The following RCOR1 variants were observed in gnomAD, a reference collection of about 807,000 sequenced individuals.
RCOR1 encodes the protein REST corepressor.
RCOR1 carries 12 observed loss-of-function variants against 64.0 expected under a neutral mutation model. The ratio of observed to expected loss-of-function variants is 0.19; its 90% confidence interval spans 0.12 to 0.30. The LOEUF is 0.30. Ranked by LOEUF, RCOR1 falls within the 10% of genes least tolerant of loss-of-function variation. The probability of loss-of-function intolerance (pLI) is 1.00; values close to 1 mark genes in which losing one functional copy is unlikely to be tolerated. For synonymous variants in RCOR1, 279 were observed against 227.2 expected, an observed-to-expected ratio of 1.23 and a Z score of -2.05; for missense variants, 502 against 621.2, an observed-to-expected ratio of 0.81 and a Z score of 2.04.
Position 102,683,511 on chromosome 14 carries a change from G to A in RCOR1, c.445+1533G>A, listed in dbSNP as rs544579952. On this transcript the variant is annotated intron_variant, in intron 3 of 11. Transcript: ENST00000262241. ...GCGCCAGCGTGGAGGCCACCTGGGC[G>A]CAGGTCCCCCCGATCCCAGACCCTG... Among the ~76,000 whole-genome samples the A allele has an allele frequency of 7.9e-5, 12 of 152,330 alleles. No individual in the cohort carries two copies. The South Asian group carries it at 2.5e-3, about 32-fold the overall frequency.
At chr14:102,701,959 G>T (rs993274052) in intron 4 of RCOR1, among the ~76,000 whole-genome samples, 1 of 152,170 alleles carries the variant, frequency 6.6e-6, no homozygotes, top group African/African-American at 2.4e-5. Flanking sequence ...GAGCCACTGC[G>T]CCTGGCCAAG....
At chr14:102,717,827 C>T (rs188847320) in intron 8 of RCOR1, among the ~76,000 whole-genome samples, 177 of 152,106 alleles carry the variant, frequency 1.2e-3, no homozygotes, top group African/African-American at 4.0e-3. Flanking sequence ...ATTTGAAGGT[C>T]GCTCACAATT....
Position 102,722,378 on chromosome 14 carries a change from C to T in RCOR1, c.1381C>T (p.Pro461Ser), listed in dbSNP as rs1450713916. The change falls in exon 11 of 12, where the codon CCA becomes TCA. Residue 461 changes from proline to serine, a missense_variant. By Grantham distance (74) the Pro-to-Ser change is moderately conservative (BLOSUM62 -1). Around this residue, in one of 2 missense-constraint regions of RCOR1, gnomAD observed 260 missense variants for 416.4 expected, o/e 0.62. Coordinates refer to ENST00000262241, the MANE Select transcript of RCOR1 (RefSeq NM_015156.4). ...GPSNQKPVKS[P>S]DNSIKMPEEE... ...CAGTAACCAGAAGCCTGTGAAGTCC[C>T]CAGATAATTCCATTAAGATGCCCGA... 1.2e-6 allele frequency: 2 copies of T among 1,613,726 alleles called. No homozygotes were observed. Among genetic ancestry groups the T allele is most frequent in the Non-Finnish European group, 1.7e-6 (2 of 1,179,928 alleles).
intron 2 of RCOR1, among the ~76,000 whole-genome samples, chr14:102,609,462 T>C (rs550853954): frequency 2.6e-5 from 4 of 152,180 alleles, no homozygotes; most frequent in Non-Finnish European, 5.9e-5. Context: ...TTTTTTGAGA[T>C]GGAGTCTCAC....
intron 3 of RCOR1, among the ~76,000 whole-genome samples, chr14:102,696,064 C>T (rs549389720): frequency 2.6e-5 from 4 of 152,022 alleles, no homozygotes; most frequent in South Asian, 2.1e-4. Flanking sequence ...GTATAGATGC[C>T]GAACCTTTAG....
chr14:102,707,307 T>C, intron 4 of RCOR1, 44 bp from the exon 5 acceptor site: 1 of 1,510,048 alleles, frequency 6.6e-7, no homozygotes, highest in Non-Finnish European at 8.9e-7. Flanking sequence ...CCATTTTCAT[T>C]GTTTTTTGTT....
Position 102,592,747 on chromosome 14 carries a change from C to G in RCOR1, c.-140C>G. On this transcript the variant is annotated 5_prime_UTR_variant, in exon 1 of 12. Transcript: ENST00000262241. The stretch of plus-strand genomic sequence containing the variant: ...CCGCGCTCTGCCCGTTTGGGCCTCC[C>G]CCGACTCGGACTCGCGCCCGTGGGC... 8.2e-7 allele frequency: 1 copy of G among 1,219,960 alleles called. No individual in the cohort carries two copies. Among genetic ancestry groups the G allele is most frequent in the Non-Finnish European group, 1.0e-6 (1 of 980,538 alleles). The allele number at this position is 1,219,960 out of a possible 1,614,324, so 75.6% of individuals were successfully genotyped here.
chr14:102,658,048 C>A (rs926642643), intron 2 of RCOR1: 1 of 601,404 alleles, frequency 1.7e-6, no homozygotes, highest in Non-Finnish European at 2.1e-6. Flanking sequence ...GATCTCGGCT[C>A]ACTGTAACCT....
intron 2 of RCOR1, among the ~76,000 whole-genome samples, chr14:102,615,381 A>G (rs115905185): frequency 0.023 from 3,519 of 150,982 alleles, 131 homozygotes; most frequent in African/African-American, 0.076. Flanking sequence ...GGCTCAAGCA[A>G]TCCACCCATC....
chr14:102,638,343 C>T lies in RCOR1; in HGVS notation c.362-43552C>T, dbSNP rs559153864. Among the ~76,000 whole-genome samples, 5 of 152,210 alleles carry T rather than the reference C, an allele frequency of 3.3e-5. No homozygotes were observed. In the South Asian group the frequency reaches 8.3e-4, roughly 25 times the overall value. ...GATTTTAATTGAAAAGATACTAGAC[C>T]GTATTCTTACCTTTATAGCGTTGTC... On this transcript the variant is annotated intron_variant, in intron 2 of 11. Coordinates refer to ENST00000262241, the MANE Select transcript of RCOR1 (RefSeq NM_015156.4).
Position 102,600,618 on chromosome 14 carries a change from T to C in RCOR1, c.361+7293T>C, listed in dbSNP as rs1411622851. Among the ~76,000 whole-genome samples, 3 of 149,920 alleles carry C rather than the reference T, an allele frequency of 2.0e-5. No individual in the cohort carries two copies. The South Asian group carries it at 6.4e-4, about 32-fold the overall frequency. On this transcript the variant is annotated intron_variant, in intron 2 of 11. Transcript: ENST00000262241. Reference sequence around the variant, plus strand: ...CGGAGTCTCACTCTGTTCCCCAGGCTGGAGTGCAGTGGCGTGATCTCAGCT... The same window carrying C: ...CGGAGTCTCACTCTGTTCCCCAGGCCGGAGTGCAGTGGCGTGATCTCAGCT...
chr14:102,722,768 C>G (rs1896190133), intron 11 of RCOR1, among the ~76,000 whole-genome samples: 1 of 152,218 alleles, frequency 6.6e-6, no homozygotes, highest in African/African-American at 2.4e-5. Context: ...GCTGTCCTGT[C>G]TGTGAGGGAT....
rs113900178 is a variant in RCOR1 at position 102,671,535 on chromosome 14, A to G, written c.362-10360A>G. 6.7e-3 allele frequency among the ~76,000 whole-genome samples: 1,017 copies of G among 152,244 alleles called. 13 individuals are homozygous for G. The highest frequency in any genetic ancestry group is 0.024 in the African/African-American group (981 of 41,542). On this transcript the variant is annotated intron_variant, in intron 2 of 11. Transcript: ENST00000262241. The stretch of plus-strand genomic sequence containing the variant: ...CTCACCCTCTGAAGTAGCTGGGACT[A>G]CAGGTGCTTACCACCATATCTGGCT...
At chr14:102,725,105 G>A (rs1032355772) in intron 11 of RCOR1, among the ~76,000 whole-genome samples, 2 of 152,206 alleles carry the variant, frequency 1.3e-5, no homozygotes, top group Admixed American at 1.3e-4. Context: ...TGGGAACAGT[G>A]TCATATCCAA....
At chr14:102,705,064 T>G (rs1000552850) in intron 4 of RCOR1, among the ~76,000 whole-genome samples, 1 of 152,058 alleles carries the variant, frequency 6.6e-6, no homozygotes, top group African/African-American at 2.4e-5. Flanking sequence ...AGGCAGAGGT[T>G]GCAGTGAGCC....
At chr14:102,684,559 A>G (rs1228238932) in intron 3 of RCOR1, among the ~76,000 whole-genome samples, 1 of 152,242 alleles carries the variant, frequency 6.6e-6, no homozygotes, top group Non-Finnish European at 1.5e-5. Flanking sequence ...GGAAAGAGCA[A>G]TGATTTCTAC....
At chr14:102,657,111 CCTTATATA>C (rs1894743139) in intron 2 of RCOR1, 1 of 980,184 alleles carries the variant, frequency 1.0e-6, no homozygotes, top group South Asian at 4.7e-5. Flanking sequence ...TTTTTTTTTT[CCTTATATA>C]ATTTAGGTTG....
intron 9 of RCOR1, 97 bp downstream of exon 9, chr14:102,721,181 G>T: frequency 9.6e-7 from 1 of 1,045,736 alleles, no homozygotes. Flanking sequence ...TACATCTCTT[G>T]GAAGAGTATA....
Position 102,730,340 on chromosome 14 carries a change from A to C in RCOR1, c.*3834A>C. 4.4e-6 allele frequency: 1 copy of C among 227,548 alleles called. No homozygotes were observed. The highest frequency in any genetic ancestry group is 8.5e-6 in the Non-Finnish European group (1 of 117,694). The allele number at this position is 227,548 out of a possible 1,614,324, so 14.1% of individuals were successfully genotyped here. A position where few individuals can be genotyped will look rare whatever the true frequency, so the allele number is the denominator to read the frequency against. On this transcript the variant is annotated 3_prime_UTR_variant, in exon 12 of 12. Coordinates refer to ENST00000262241, the MANE Select transcript of RCOR1 (RefSeq NM_015156.4). ...ATTTTAAAGAAAATATGTTGTAATAATGCTGTTGTAAGTAATATTTTAATG... is the reference window on the plus strand; with the variant it reads ...ATTTTAAAGAAAATATGTTGTAATACTGCTGTTGTAAGTAATATTTTAATG...
Sources: gnomAD v4.1 joint callset for allele counts (sites outside exome capture counted in the v4.1 genomes callset) on GRCh38, gnomAD v4.1.1 for gene constraint, gnomAD v4.1.1 regional missense constraint, MANE v1.5 for transcripts, NCBI Gene and HGNC (gene_info 2026-07-23, HGNC 2026-07-21) for gene names.